Variants in RPA1 observed in about 807,000 individuals in gnomAD.
The protein encoded by RPA1 is replication protein A1, also known as replication protein A 70 kDa DNA-binding subunit.
RPA1 carries 49 observed loss-of-function variants against 83.0 expected under a neutral mutation model. The observed-to-expected ratio is 0.59, with a 90% CI of 0.47 to 0.75. RPA1 has a LOEUF of 0.75. Among genes scored for constraint, RPA1 ranks in the 30% least tolerant of loss-of-function variants. The pLI is 0.00. For missense variants in RPA1, 693 were observed against 776.1 expected (o/e 0.89, Z 1.27); for synonymous variants, 279 against 281.8 (o/e 0.99, Z 0.10).
At chr17:1,868,064 T>C (rs1020539735) in intron 5 of RPA1, among the ~76,000 whole-genome samples, 3 of 152,024 alleles carry the variant, frequency 2.0e-5, no homozygotes, top group Non-Finnish European at 2.9e-5. Context: ...AACCTGGGCA[T>C]TGGAGCAATA....
intron 5 of RPA1, among the ~76,000 whole-genome samples, chr17:1,859,524 A>AT (rs1912857358): frequency 6.6e-6 from 1 of 152,182 alleles, no homozygotes; most frequent in Non-Finnish European, 1.5e-5. Context: ...TGTCCACTTG[A>AT]TGAGTTGACT....
chr17:1,866,870 C>T (rs1445234804), intron 5 of RPA1, among the ~76,000 whole-genome samples: 1 of 152,168 alleles, frequency 6.6e-6, no homozygotes, highest in Non-Finnish European at 1.5e-5. Flanking sequence ...TTGGAATGTG[C>T]GGGTTTTCTC....
At chr17:1,846,374 G>A (rs1912257615) in intron 4 of RPA1, among the ~76,000 whole-genome samples, 1 of 135,128 alleles carries the variant, frequency 7.4e-6, no homozygotes, top group Non-Finnish European at 1.6e-5. Flanking sequence ...CGGGAGTGCA[G>A]TGGCACCATC....
chr17:1,853,331 C>T (rs1253876871), intron 5 of RPA1, 142 bp downstream of exon 5: 1 of 645,578 alleles, frequency 1.5e-6, no homozygotes, highest in Non-Finnish European at 2.7e-6. Context: ...GCTATTCTGT[C>T]AGGCTTTTTC....
At chr17:1,833,229 A>G (rs1000823834) in intron 1 of RPA1, among the ~76,000 whole-genome samples, 18 of 152,158 alleles carry the variant, frequency 1.2e-4, no homozygotes, top group African/African-American at 4.3e-4. Flanking sequence ...CTGGCCTAAT[A>G]CTTTGTGTAA....
intron 4 of RPA1, among the ~76,000 whole-genome samples, chr17:1,850,458 A>G (rs1202849184): frequency 2.6e-5 from 4 of 151,682 alleles, no homozygotes; most frequent in African/African-American, 9.7e-5. Flanking sequence ...AATCACTTGA[A>G]ACCAGGAGGC....
At chr17:1,840,571 C>T (rs139315581) in intron 1 of RPA1, among the ~76,000 whole-genome samples, 248 of 152,140 alleles carry the variant, frequency 1.6e-3, no homozygotes, top group Middle Eastern at 6.8e-3. Flanking sequence ...CAGGCGTGAG[C>T]CACCACCTGG....
chr17:1,847,817 C>T (rs1597425637), intron 4 of RPA1, among the ~76,000 whole-genome samples: 4 of 151,696 alleles, frequency 2.6e-5, no homozygotes, highest in African/African-American at 2.4e-5. Flanking sequence ...GACAGGAGAT[C>T]GAAACCAGCC....
intron 5 of RPA1, among the ~76,000 whole-genome samples, chr17:1,866,218 G>A (rs528286236): frequency 6.6e-6 from 1 of 152,116 alleles, no homozygotes; most frequent in East Asian, 1.9e-4. Context: ...CTCCAGCCTG[G>A]GTGACAGAGT....
At chr17:1,858,282 G>A (rs552087878) in intron 5 of RPA1, 20 of 1,611,530 alleles carry the variant, frequency 1.2e-5, no homozygotes, top group East Asian at 2.2e-5. Flanking sequence ...GGAGTAACAC[G>A]GCCGACATGC....
At chr17:1,849,395 C>G (rs539991888) in intron 4 of RPA1, among the ~76,000 whole-genome samples, 1 of 150,382 alleles carries the variant, frequency 6.6e-6, no homozygotes, top group East Asian at 2.0e-4. Flanking sequence ...CGGGTTCACG[C>G]CATTCTCCTG....
intron 5 of RPA1, among the ~76,000 whole-genome samples, chr17:1,867,936 AT>A (rs1167213784): frequency 1.3e-5 from 2 of 151,868 alleles, no homozygotes; most frequent in African/African-American, 4.8e-5. Context: ...AATACAAAAA[AT>A]AATCCAGGCG....
chr17:1,886,131 C>T (rs535620117), intron 13 of RPA1, among the ~76,000 whole-genome samples: 17 of 139,850 alleles, frequency 1.2e-4, no homozygotes, highest in Admixed American at 1.4e-4. Flanking sequence ...TTAATCTCCT[C>T]GTACTGTGTG....
At chr17:1,858,292 C>A in intron 5 of RPA1, 1 of 1,611,106 alleles carries the variant, frequency 6.2e-7, no homozygotes. Context: ...GGCCGACATG[C>A]CAAAAAGAGA....
At position 1,884,751 on chromosome 17, in the gene RPA1, C is replaced by T. The variant is rs1913928781; in HGVS notation, c.1374+807C>T. ...ATGGGACACCCACTCTTTCGGTTCT[C>T]TGTAATCCCAGCTACCCAGGAGGCT... On this transcript the variant is annotated intron_variant, in intron 13 of 16. Transcript: ENST00000254719. The surrounding 1 kb of genome is among the most constrained non-coding windows in gnomAD (Gnocchi z 4.1). Among the ~76,000 whole-genome samples the T allele has an allele frequency of 6.6e-6, 1 of 152,350 alleles. No homozygotes were observed. The highest frequency in any genetic ancestry group is 2.1e-4 in the South Asian group (1 of 4,832).
intron 1 of RPA1, among the ~76,000 whole-genome samples, chr17:1,832,688 C>T (rs1344589765): frequency 6.6e-6 from 1 of 152,030 alleles, no homozygotes; most frequent in Non-Finnish European, 1.5e-5. Context: ...CGCACGACCC[C>T]ATTCACTTAT....
At chr17:1,886,705 CTT>C (rs57659628) in intron 13 of RPA1, among the ~76,000 whole-genome samples, 10 of 125,396 alleles carry the variant, frequency 8.0e-5, no homozygotes, top group Admixed American at 2.5e-4. Flanking sequence ...TCTTCTGCAG[CTT>C]TTTTTTTTTT....
intron 4 of RPA1, among the ~76,000 whole-genome samples, chr17:1,844,950 A>T (rs1488594984): frequency 6.6e-6 from 1 of 152,036 alleles, no homozygotes; most frequent in Non-Finnish European, 1.5e-5. Context: ...AAAGAATCTT[A>T]TCTCTTTTGT....
intron 15 of RPA1, among the ~76,000 whole-genome samples, chr17:1,893,126 A>G (rs1723224209): frequency 6.6e-6 from 1 of 152,196 alleles, no homozygotes; most frequent in South Asian, 2.1e-4. Context: ...GAGCTCTCAA[A>G]ATAGTCTCAA....
Sources: gnomAD v4.1 joint callset for allele counts (sites outside exome capture counted in the v4.1 genomes callset) on GRCh38, gnomAD v4.1.1 for gene constraint, Gnocchi (gnomAD v3.1) non-coding constraint, MANE v1.5 for transcripts, NCBI Gene and HGNC (gene_info 2026-07-23, HGNC 2026-07-21) for gene names.